Variants in FHIT observed in about 807,000 individuals in gnomAD.
FHIT encodes bis(5'-adenosyl)-triphosphatase.
Under a neutral mutation model 17.9 loss-of-function variants are expected in FHIT, and 19 were observed. That is an observed-to-expected ratio of 1.06 (90% CI 0.74 to 1.56). The LOEUF (loss-of-function observed/expected upper bound fraction) is 1.56, where lower values mean the gene tolerates loss of function less well. Among genes scored for constraint, FHIT ranks in the 40% most tolerant of loss-of-function variants. FHIT has a pLI of 0.00. For synonymous variants in FHIT, 81 were observed against 69.7 expected, an observed-to-expected ratio of 1.16 and a Z score of -0.81; for missense variants, 248 against 189.2, an observed-to-expected ratio of 1.31 and a Z score of -1.82.
At position 60,854,950 on chromosome 3, in the gene FHIT, G is replaced by A. The variant is rs554805694; in HGVS notation, c.-110-32939C>T. Among the ~76,000 whole-genome samples the A allele has an allele frequency of 2.0e-5, 3 of 152,242 alleles. No individual in the cohort carries two copies. The South Asian group carries it at 6.2e-4, about 32-fold the overall frequency. ...ATTTGTGGTGAGCAGACATGGCTAAGTGCCTCTTCCTATCTAGGGAGGTTC... is the reference window on the plus strand; with the variant it reads ...ATTTGTGGTGAGCAGACATGGCTAAATGCCTCTTCCTATCTAGGGAGGTTC... On this transcript the variant is annotated intron_variant, in intron 3 of 9. Transcript: ENST00000492590.
intron 5 of FHIT, among the ~76,000 whole-genome samples, chr3:60,293,668 C>T (rs1466005294): frequency 3.3e-5 from 5 of 152,074 alleles, no homozygotes; most frequent in Non-Finnish European, 7.4e-5. Context: ...TAAAAAGTAT[C>T]CTGAGAAAGT....
At chr3:60,219,625 C>T (rs1703866260) in intron 5 of FHIT, among the ~76,000 whole-genome samples, 1 of 152,144 alleles carries the variant, frequency 6.6e-6, no homozygotes. Context: ...AATATGTTTA[C>T]TTTTGTTGAA....
intron 8 of FHIT, among the ~76,000 whole-genome samples, chr3:59,801,692 C>A (rs1443785597): frequency 6.6e-6 from 1 of 152,050 alleles, no homozygotes; most frequent in Non-Finnish European, 1.5e-5. Context: ...CCCACCAGCT[C>A]CTTCCAACAA....
chr3:60,664,330 T>G (rs2040332210), intron 4 of FHIT, among the ~76,000 whole-genome samples: 1 of 152,144 alleles, frequency 6.6e-6, no homozygotes, highest in Admixed American at 6.5e-5. Flanking sequence ...TAATAAATCC[T>G]ACTTCATCAT....
chr3:60,411,641 A>G (rs1702064247), intron 5 of FHIT, among the ~76,000 whole-genome samples: 1 of 152,168 alleles, frequency 6.6e-6, no homozygotes, highest in Admixed American at 6.5e-5. Context: ...ATGTTGGTCT[A>G]TTTTGTGATT....
chr3:60,802,733 T>G (rs375316485), intron 4 of FHIT, among the ~76,000 whole-genome samples: 5 of 151,668 alleles, frequency 3.3e-5, no homozygotes, highest in African/African-American at 1.2e-4. Context: ...TATGCTGCCT[T>G]CAGAAGAACA....
intron 5 of FHIT, among the ~76,000 whole-genome samples, chr3:60,429,024 A>C (rs915183364): frequency 6.6e-6 from 1 of 152,110 alleles, no homozygotes; most frequent in African/African-American, 2.4e-5. Context: ...ATCTCTCTAT[A>C]TAATGCAAAA....
At chr3:60,565,383 A>T (rs2037096857) in intron 4 of FHIT, among the ~76,000 whole-genome samples, 2 of 152,188 alleles carry the variant, frequency 1.3e-5, no homozygotes, top group Admixed American at 1.3e-4. Flanking sequence ...TGCTGGGCTG[A>T]TCCCAAATAC....
chr3:59,811,313 A>G (rs1230436172), intron 8 of FHIT, among the ~76,000 whole-genome samples: 3 of 152,246 alleles, frequency 2.0e-5, no homozygotes, highest in Non-Finnish European at 4.4e-5. Context: ...AAAAATCATT[A>G]GTCAAATCAG....
chr3:61,019,308 T>C (rs569306286), intron 3 of FHIT, among the ~76,000 whole-genome samples: 2 of 152,244 alleles, frequency 1.3e-5, no homozygotes, highest in Non-Finnish European at 2.9e-5. Flanking sequence ...TAAAACGTAT[T>C]TGGAAAGTTC....
chr3:60,653,180 T>C (rs1006165525), intron 4 of FHIT, among the ~76,000 whole-genome samples: 1 of 151,964 alleles, frequency 6.6e-6, no homozygotes, highest in Admixed American at 6.6e-5. Context: ...ACAGAAAACA[T>C]GACACTGGAG....
intron 5 of FHIT, among the ~76,000 whole-genome samples, chr3:60,499,198 T>G (rs920014008): frequency 1.3e-5 from 2 of 152,168 alleles, no homozygotes; most frequent in African/African-American, 4.8e-5. Context: ...AGGTATGATG[T>G]GGGCATACTT....
At chr3:60,436,867 A>C (rs765662580) in intron 5 of FHIT, among the ~76,000 whole-genome samples, 14 of 152,096 alleles carry the variant, frequency 9.2e-5, no homozygotes, top group Non-Finnish European at 1.8e-4. Flanking sequence ...TGTTTACCTA[A>C]TGTCTAGGAA....
At chr3:60,857,104 T>C (rs952278524) in intron 3 of FHIT, among the ~76,000 whole-genome samples, 3 of 152,192 alleles carry the variant, frequency 2.0e-5, no homozygotes, top group Admixed American at 2.0e-4. Context: ...CTCTTTCTGA[T>C]GTGTAACAAG....
At chr3:60,633,252 G>A (rs1346061887) in intron 4 of FHIT, among the ~76,000 whole-genome samples, 2 of 152,110 alleles carry the variant, frequency 1.3e-5, no homozygotes, top group Non-Finnish European at 2.9e-5. Context: ...TCCACATCCC[G>A]ATTGCACGAT....
chr3:61,159,163 T>C (rs969215321), intron 2 of FHIT, among the ~76,000 whole-genome samples: 8 of 152,220 alleles, frequency 5.3e-5, no homozygotes, highest in African/African-American at 1.9e-4. Flanking sequence ...TCACCTCCCA[T>C]ATGATCCAAA....
At chr3:60,157,259 T>C (rs1422725410) in intron 5 of FHIT, among the ~76,000 whole-genome samples, 1 of 152,104 alleles carries the variant, frequency 6.6e-6, no homozygotes, top group African/African-American at 2.4e-5. Context: ...AATGATCGGT[T>C]ATGTCGGCCA....
At chr3:60,787,517 C>G (rs1304975547) in intron 4 of FHIT, among the ~76,000 whole-genome samples, 2 of 152,184 alleles carry the variant, frequency 1.3e-5, no homozygotes, top group Non-Finnish European at 2.9e-5. Flanking sequence ...AGTATGCAAG[C>G]AAGCTCCATG....
intron 5 of FHIT, among the ~76,000 whole-genome samples, chr3:60,115,895 T>C (rs1248600600): frequency 6.6e-6 from 1 of 151,968 alleles, no homozygotes; most frequent in African/African-American, 2.4e-5. Flanking sequence ...TATATGCATT[T>C]AGATAGGAAT....
Sources: gnomAD v4.1 joint callset for allele counts (sites outside exome capture counted in the v4.1 genomes callset) on GRCh38, gnomAD v4.1.1 for gene constraint, MANE v1.5 for transcripts, NCBI Gene and HGNC (gene_info 2026-07-23, HGNC 2026-07-21) for gene names.